Variants in CARMIL1 observed in about 807,000 individuals in gnomAD.
CARMIL1 encodes capping protein regulator and myosin 1 linker 1.
A neutral mutation model predicts 177.1 loss-of-function variants in CARMIL1; 90 were observed. The ratio of observed to expected loss-of-function variants is 0.51; its 90% CI spans 0.43 to 0.61. The LOEUF (loss-of-function observed/expected upper bound fraction) is 0.61, where lower values mean the gene tolerates loss of function less well. Ranked by LOEUF, CARMIL1 falls within the 20% of genes least tolerant of loss-of-function variation. CARMIL1 has a pLI of 0.00. For missense variants in CARMIL1, 1,380 were observed against 1,667.0 expected, an observed-to-expected ratio of 0.83 and a Z score of 3.00; for synonymous variants, 577 against 606.2, an observed-to-expected ratio of 0.95 and a Z score of 0.71.
intron 2 of CARMIL1, among the ~76,000 whole-genome samples, chr6:25,329,499 C>T (rs1785410893): frequency 6.6e-6 from 1 of 152,192 alleles, no homozygotes; most frequent in African/African-American, 2.4e-5. Context: ...TTCATTGATC[C>T]TTAGCCTAAA....
chr6:25,495,555 G>GTA (rs1554209844), intron 16 of CARMIL1, among the ~76,000 whole-genome samples: 7 of 151,534 alleles, frequency 4.6e-5, no homozygotes, highest in South Asian at 2.1e-4. Context: ...GTGTGTGTGT[G>GTA]TGTGTGTGTG....
rs1344726201 is a variant in CARMIL1 at position 25,515,824 on chromosome 6, A to G, written c.1782A>G (p.Ala594=). ...GDMGAKMLAK[A]LQINTKLRTV... The stretch of plus-strand genomic sequence containing the variant: ...TGGGAGCGAAGATGCTGGCCAAAGC[A>G]CTGCAGATCAACACTAAGCTCAGGT... The change falls in exon 21 of 37, where the codon GCA becomes GCG. Residue 594 remains alanine (A), a synonymous_variant. Transcript: ENST00000329474. The surrounding 1 kb of genome is among the most constrained non-coding windows in gnomAD (Gnocchi z 5.0). 1 of 1,608,252 alleles carries G rather than the reference A, an allele frequency of 6.2e-7. No individual in the cohort carries two copies. Among genetic ancestry groups the G allele is most frequent in the Non-Finnish European group, 8.5e-7 (1 of 1,177,532 alleles).
chr6:25,602,408 T>G (rs1424178597), intron 33 of CARMIL1, among the ~76,000 whole-genome samples: 1 of 152,246 alleles, frequency 6.6e-6, no homozygotes, highest in Non-Finnish European at 1.5e-5. Context: ...AATATGCTGT[T>G]TATGTTTTTC....
At chr6:25,617,704 G>A (rs545218710) in intron 36 of CARMIL1, among the ~76,000 whole-genome samples, 60 of 152,244 alleles carry the variant, frequency 3.9e-4, no homozygotes, top group African/African-American at 1.4e-3. Context: ...AGTAATTAAA[G>A]GATTCTTTGT....
At chr6:25,461,328 A>G (rs1426411071) in intron 8 of CARMIL1, among the ~76,000 whole-genome samples, 9 of 152,220 alleles carry the variant, frequency 5.9e-5, no homozygotes, top group African/African-American at 2.2e-4. Flanking sequence ...TTCAAGCCTC[A>G]TTTCTAAGTG....
At chr6:25,302,450 C>T (rs79010926) in intron 2 of CARMIL1, among the ~76,000 whole-genome samples, 4,250 of 152,224 alleles carry the variant, frequency 0.028, 73 homozygotes, top group Non-Finnish European at 0.038. Context: ...ATTCTCCAAC[C>T]TAGTATCCTT....
chr6:25,513,013 G>A (rs992557079), intron 20 of CARMIL1, among the ~76,000 whole-genome samples: 3 of 152,254 alleles, frequency 2.0e-5, no homozygotes, highest in East Asian at 3.9e-4. Flanking sequence ...AAATATGCAC[G>A]CAATTCAGGC....
chr6:25,443,829 G>A (rs1010204905), intron 5 of CARMIL1, among the ~76,000 whole-genome samples: 1 of 151,614 alleles, frequency 6.6e-6, no homozygotes, highest in Non-Finnish European at 1.5e-5. Context: ...TTGAGATGGA[G>A]TTTTGCTCTT....
chr6:25,570,025 G>A (rs1363324115), intron 29 of CARMIL1, among the ~76,000 whole-genome samples: 1 of 151,666 alleles, frequency 6.6e-6, no homozygotes, highest in Non-Finnish European at 1.5e-5. Context: ...CCAGGCTGGA[G>A]TGCAGTGGCG....
intron 10 of CARMIL1, 70 bp downstream of exon 10, chr6:25,471,327 C>A (rs1445647489): frequency 1.8e-5 from 19 of 1,067,174 alleles, no homozygotes; most frequent in South Asian, 3.3e-5. Context: ...CTAATTAATT[C>A]ATAGTTTTTT....
intron 29 of CARMIL1, among the ~76,000 whole-genome samples, chr6:25,576,450 T>A (rs1368641659): frequency 6.6e-6 from 1 of 152,120 alleles, no homozygotes; most frequent in Admixed American, 6.5e-5. Context: ...AAGCTGCTGC[T>A]CCTAAAATGC....
chr6:25,371,927 A>T (rs112664223), intron 2 of CARMIL1, among the ~76,000 whole-genome samples: 1,657 of 152,232 alleles, frequency 0.011, 30 homozygotes, highest in African/African-American at 0.035. Context: ...TGATTTTTGT[A>T]TATGGTGAGA....
At chr6:25,315,476 C>A (rs1002136899) in intron 2 of CARMIL1, among the ~76,000 whole-genome samples, 4 of 152,246 alleles carry the variant, frequency 2.6e-5, no homozygotes, top group African/African-American at 9.6e-5. Context: ...CCACACATGG[C>A]GGCAGGTGCC....
intron 5 of CARMIL1, among the ~76,000 whole-genome samples, chr6:25,442,726 A>G (rs1022195313): frequency 1.1e-4 from 16 of 152,200 alleles, no homozygotes; most frequent in African/African-American, 3.6e-4. Context: ...CTGAAATCTC[A>G]GTTGAAAAAG....
chr6:25,590,605 A>G (rs1375040494), intron 31 of CARMIL1, among the ~76,000 whole-genome samples: 2 of 152,070 alleles, frequency 1.3e-5, no homozygotes, highest in Non-Finnish European at 2.9e-5. Flanking sequence ...AGTGTTGTCT[A>G]TATGCTTGTG....
At chr6:25,386,618 C>T (rs78361513) in intron 2 of CARMIL1, among the ~76,000 whole-genome samples, 7 of 152,104 alleles carry the variant, frequency 4.6e-5, no homozygotes, top group South Asian at 2.1e-4. Flanking sequence ...AAAATGAAAA[C>T]GAACACCGCC....
chr6:25,279,863 C>T lies in CARMIL1; in HGVS notation c.40+28C>T, dbSNP rs373297487. 60 of 1,612,996 alleles carry T rather than the reference C, an allele frequency of 3.7e-5. No homozygotes were observed. In the African/African-American group the frequency reaches 6.9e-4, roughly 19 times the overall value. On this transcript the variant is annotated intron_variant, in intron 1 of 36. Transcript: ENST00000329474. ...AAGATTCACGCGGTTGTTGGTTTTC[C>T]ACCTTCCTCTGCGTACTCCTCACCT...
chr6:25,346,936 A>G (rs1320154090), intron 2 of CARMIL1, among the ~76,000 whole-genome samples: 2 of 152,236 alleles, frequency 1.3e-5, no homozygotes, highest in Non-Finnish European at 2.9e-5. Context: ...AGTGAGTCCC[A>G]TTCATGGTAC....
chr6:25,492,116 T>A (rs1051149514), intron 15 of CARMIL1, 92 bp downstream of exon 15: 4 of 1,056,254 alleles, frequency 3.8e-6, no homozygotes, highest in Non-Finnish European at 5.7e-6. Flanking sequence ...AAAGGGTGAA[T>A]GTTGTATATG....
Sources: gnomAD v4.1 joint callset for allele counts (sites outside exome capture counted in the v4.1 genomes callset) on GRCh38, gnomAD v4.1.1 for gene constraint, Gnocchi (gnomAD v3.1) non-coding constraint, MANE v1.5 for transcripts, NCBI Gene and HGNC (gene_info 2026-07-23, HGNC 2026-07-21) for gene names.